TAF2: variants seen among roughly 807,000 people sequenced by gnomAD.
TAF2 encodes transcription initiation factor TFIID subunit 2.
In TAF2, 61 loss-of-function variants were observed where a neutral mutation model predicts 138.5. The observed-to-expected ratio is 0.44, with a 90% CI of 0.36 to 0.54. The LOEUF (loss-of-function observed/expected upper bound fraction) is 0.54. Among genes scored for constraint, TAF2 ranks in the 20% least tolerant of loss-of-function variants. TAF2 has a pLI of 0.00. For synonymous variants in TAF2, 475 were observed against 469.9 expected (o/e 1.01, Z -0.14); for missense variants, 1,090 against 1,427.9 (o/e 0.76, Z 3.81).
intron 14 of TAF2, among the ~76,000 whole-genome samples, chr8:119,787,518 G>A (rs1294071392): frequency 6.6e-6 from 1 of 152,136 alleles, no homozygotes; most frequent in African/African-American, 2.4e-5. Context: ...TTAGAGAAAT[G>A]CAAATCAAAA....
At chr8:119,778,548 C>T (rs890822271) in intron 17 of TAF2, among the ~76,000 whole-genome samples, 1 of 152,150 alleles carries the variant, frequency 6.6e-6, no homozygotes, top group African/African-American at 2.4e-5. Flanking sequence ...GCTCTACTAC[C>T]TTCTGTGCTA....
intron 18 of TAF2, among the ~76,000 whole-genome samples, chr8:119,772,723 G>A (rs905533920): frequency 1.3e-5 from 2 of 151,998 alleles, no homozygotes; most frequent in African/African-American, 4.8e-5. Context: ...GATCACCTGA[G>A]GTCAGGAGTT....
chr8:119,793,718 C>CTCAA (rs937146589), intron 9 of TAF2, among the ~76,000 whole-genome samples: 2 of 152,158 alleles, frequency 1.3e-5, no homozygotes, highest in African/African-American at 4.8e-5. Flanking sequence ...TATGGCTGTT[C>CTCAA]TCAATCTCTC....
At chr8:119,789,920 G>A (rs1412443000) in intron 11 of TAF2, among the ~76,000 whole-genome samples, 174 bp from the exon 12 acceptor site, 1 of 152,132 alleles carries the variant, frequency 6.6e-6, no homozygotes, top group Admixed American at 6.5e-5. Flanking sequence ...AAAGATATAA[G>A]CAGCCAGAAT....
At chr8:119,799,370 T>C (rs979414956) in intron 6 of TAF2, among the ~76,000 whole-genome samples, 3 of 150,842 alleles carry the variant, frequency 2.0e-5, no homozygotes, top group African/African-American at 4.9e-5. Context: ...AGTGTTCTCA[T>C]TGTTCAGTTC....
chr8:119,779,868 C>T (rs1822518571), intron 17 of TAF2, among the ~76,000 whole-genome samples: 1 of 152,170 alleles, frequency 6.6e-6, no homozygotes, highest in Non-Finnish European at 1.5e-5. Flanking sequence ...CTAACACTTC[C>T]AGAACTTGCT....
At chr8:119,758,005 T>G (rs1384481916) in intron 21 of TAF2, 68 bp downstream of exon 21, 11 of 1,272,550 alleles carry the variant, frequency 8.6e-6, no homozygotes, top group Non-Finnish European at 1.3e-5. Flanking sequence ...ATTTTATGTG[T>G]AATCTGAAAT....
At chr8:119,826,615 G>T (rs1826117363) in intron 2 of TAF2, among the ~76,000 whole-genome samples, 2 of 151,016 alleles carry the variant, frequency 1.3e-5, no homozygotes, top group African/African-American at 2.4e-5. Context: ...TTTGAGATGG[G>T]GTTTCACTCT....
At chr8:119,758,250 T>C (rs1820832932) in intron 20 of TAF2, 108 bp from the exon 21 acceptor site, 2 of 974,354 alleles carry the variant, frequency 2.1e-6, no homozygotes, top group Non-Finnish European at 3.1e-6. Flanking sequence ...CTGCCTTAGC[T>C]GAGTTTTCAA....
intron 18 of TAF2, among the ~76,000 whole-genome samples, chr8:119,777,104 T>A (rs912214972): frequency 6.6e-6 from 1 of 152,208 alleles, no homozygotes; most frequent in Non-Finnish European, 1.5e-5. Context: ...TTAGGTAGTA[T>A]AAGTAATCTA....
intron 20 of TAF2, among the ~76,000 whole-genome samples, chr8:119,758,693 C>A (rs1187180051): frequency 6.6e-6 from 1 of 152,140 alleles, no homozygotes; most frequent in East Asian, 1.9e-4. Context: ...TTTCCATTCA[C>A]CTTTTCAAAC....
In TAF2 at chr8:119,821,062, T is replaced by G. The variant is rs183182978; in HGVS notation, c.139-1556A>C. Among the ~76,000 whole-genome samples the G allele has an allele frequency of 2.0e-5, 3 of 152,308 alleles. No individual in the cohort carries two copies. In the South Asian group the frequency reaches 6.2e-4, roughly 32 times the overall value. On this transcript the variant is annotated intron_variant, in intron 2 of 25. Coordinates refer to ENST00000378164, the MANE Select transcript of TAF2 (RefSeq NM_003184.4). ...TGTCAACTGCTACTTGGGTGGGACA[T>G]AAGAACAGCATCTGGTTTTCTAAAC...
At chr8:119,767,083 G>A (rs570914931) in intron 18 of TAF2, 2 of 152,210 alleles carry the variant, frequency 1.3e-5, no homozygotes, top group Admixed American at 1.3e-4. Flanking sequence ...ACTATAGGGG[G>A]ATAAACAGGA....
chr8:119,750,946 T>C (rs142260832), intron 22 of TAF2, among the ~76,000 whole-genome samples: 7 of 152,242 alleles, frequency 4.6e-5, no homozygotes, highest in African/African-American at 1.2e-4. Context: ...ACAGCTAAAA[T>C]TTCCTTCATA....
At chr8:119,815,627 G>A (rs533249801) in intron 3 of TAF2, among the ~76,000 whole-genome samples, 7 of 151,822 alleles carry the variant, frequency 4.6e-5, no homozygotes, top group African/African-American at 1.7e-4. Flanking sequence ...GCCTATCTAG[G>A]AACAAAACAA....
At chr8:119,744,430 C>T in intron 23 of TAF2, 37 bp from the exon 24 acceptor site, 1 of 1,555,034 alleles carries the variant, frequency 6.4e-7, no homozygotes, top group Non-Finnish European at 8.9e-7. Flanking sequence ...GATAAAAGAA[C>T]CATTACATCA....
At chr8:119,802,544 G>T (rs1445222877) in intron 5 of TAF2, among the ~76,000 whole-genome samples, 1 of 152,188 alleles carries the variant, frequency 6.6e-6, no homozygotes, top group Non-Finnish European at 1.5e-5. Context: ...GGTGTTACGT[G>T]ACAGGGTAGG....
At chr8:119,818,919 G>A (rs1411989045) in intron 3 of TAF2, among the ~76,000 whole-genome samples, 1 of 152,050 alleles carries the variant, frequency 6.6e-6, no homozygotes, top group Admixed American at 6.6e-5. Context: ...ATGTTTATAA[G>A]ATAGTTTAAT....
intron 18 of TAF2, among the ~76,000 whole-genome samples, chr8:119,766,634 A>G (rs1254883983): frequency 1.3e-5 from 2 of 151,632 alleles, no homozygotes; most frequent in African/African-American, 4.8e-5. Flanking sequence ...CACTAAACAT[A>G]CAAAAATTAG....
Sources: gnomAD v4.1 joint callset for allele counts (sites outside exome capture counted in the v4.1 genomes callset) on GRCh38, gnomAD v4.1.1 for gene constraint, MANE v1.5 for transcripts, NCBI Gene and HGNC (gene_info 2026-07-23, HGNC 2026-07-21) for gene names.